Variants in SLC4A2 observed in about 807,000 individuals in gnomAD.
SLC4A2 encodes anion exchange protein 2.
SLC4A2 carries 36 observed loss-of-function variants against 115.0 expected under a neutral mutation model. The observed-to-expected ratio is 0.31, with a 90% CI of 0.24 to 0.41. SLC4A2 has a LOEUF of 0.41. Ranked by LOEUF, SLC4A2 falls within the 10% of genes least tolerant of loss-of-function variation. SLC4A2 has a pLI of 1.00. For missense variants in SLC4A2, 1,252 were observed against 1,705.6 expected (o/e 0.73, Z 4.68); for synonymous variants, 708 against 708.3 (o/e 1.00, Z 0.01).
chr7:151,072,995 T>C (rs1029625772), intron 16 of SLC4A2, among the ~76,000 whole-genome samples: 2 of 152,166 alleles, frequency 1.3e-5, no homozygotes, highest in Non-Finnish European at 2.9e-5. Context: ...TAAAAACTTC[T>C]ATATTTAATG....
chr7:151,067,004 C>G lies in SLC4A2; in HGVS notation c.966+11C>G, dbSNP rs1414504291. ...CACAAGCCCCATGAGGTACCATGCTCTGCTTCATGCTCTTCCATCAACTTC... is the reference window on the plus strand; with the variant it reads ...CACAAGCCCCATGAGGTACCATGCTGTGCTTCATGCTCTTCCATCAACTTC... On this transcript the variant is annotated intron_variant, in intron 7 of 22. Transcript: ENST00000413384. 6.4e-7 allele frequency: 1 copy of G among 1,570,016 alleles called. No homozygotes were observed. Among genetic ancestry groups the G allele is most frequent in the Non-Finnish European group, 8.6e-7 (1 of 1,159,624 alleles).
At position 151,064,243 on chromosome 7, in the gene SLC4A2, C is replaced by T. The variant is rs200541395; in HGVS notation, c.93C>T (p.Pro31=). Reference sequence around the variant, plus strand: ...TGGGCCCTGGGACGCCTGGGTTCCCCGAGCAGGAGGAAGACGAACTTCACC... The same window carrying T: ...TGGGCCCTGGGACGCCTGGGTTCCCTGAGCAGGAGGAAGACGAACTTCACC... ...ESLGPGTPGF[P]EQEEDELHRT... Residue 31 remains proline, a synonymous_variant, in exon 3 of 23, where the codon CCC becomes CCT. Transcript: ENST00000413384. 27 of 1,612,482 alleles carry T rather than the reference C, an allele frequency of 1.7e-5. No individual in the cohort carries two copies. In the East Asian group the frequency reaches 2.2e-4, roughly 13 times the overall value.
intron 16 of SLC4A2, 55 bp downstream of exon 16, chr7:151,072,191 A>AG: frequency 6.6e-7 from 1 of 1,512,524 alleles, no homozygotes; most frequent in Admixed American, 1.7e-5. Flanking sequence ...TCAGGGCTGG[A>AG]GGGAGTCTCT....
At position 151,076,489 on chromosome 7, in the gene SLC4A2, C is replaced by A; in HGVS notation, c.*122C>A. The A allele has an allele frequency of 1.2e-6, 1 of 840,568 alleles. No individual in the cohort carries two copies. The highest frequency in any genetic ancestry group is 2.1e-5 in the South Asian group (1 of 47,826). 52.1% of individuals were successfully genotyped at this position (840,568 alleles called of 1,614,324 possible). On this transcript the variant is annotated 3_prime_UTR_variant, in exon 23 of 23. Coordinates refer to ENST00000413384, the MANE Select transcript of SLC4A2 (RefSeq NM_003040.4). ...TGAATAATTTAAAGTCTTCTCCTCC[C>A]CCACTGCCCCTGCAGTAAAGTGCTT...
chr7:151,075,496 G>T lies in SLC4A2; in HGVS notation c.3289G>T (p.Ala1097Ser), dbSNP rs1797594099. The change falls in exon 20 of 23, where the codon GCC becomes TCC. Residue 1097 changes from alanine to serine, a missense_variant. Ala to Ser is a moderately conservative substitution (Grantham distance 99, BLOSUM62 1). Coordinates refer to ENST00000413384, the MANE Select transcript of SLC4A2 (RefSeq NM_003040.4). ...GCAGCGGGTGACGGGGCTGCTGGTT[G>T]CCCTGCTTGTGGGTACGTTGCCTCT... ...KEQRVTGLLV[A>S]LLVGLSIVIG... 1 of 1,599,616 alleles carries T rather than the reference G, an allele frequency of 6.3e-7. No homozygotes were observed. The highest frequency in any genetic ancestry group is 1.7e-5 in the Admixed American group (1 of 59,988).
intron 2 of SLC4A2, chr7:151,062,939 T>C (rs1259644708): frequency 2.1e-6 from 3 of 1,403,752 alleles, no homozygotes; most frequent in Non-Finnish European, 2.8e-6. Context: ...TCTTCCTTGT[T>C]CTGGCTGCTG....
At chr7:151,073,195 T>C (rs1249201667) in intron 16 of SLC4A2, among the ~76,000 whole-genome samples, 1 of 152,216 alleles carries the variant, frequency 6.6e-6, no homozygotes, top group Non-Finnish European at 1.5e-5. Context: ...GCAATCCTCC[T>C]GCCTTGACCT....
chr7:151,064,085 A>C, intron 2 of SLC4A2, 117 bp from the exon 3 acceptor site: 1 of 994,834 alleles, frequency 1.0e-6, no homozygotes, highest in Non-Finnish European at 1.5e-6. Flanking sequence ...CCAGCATTAG[A>C]GGAGATAGCT....
chr7:151,073,662 A>T (rs921498152), intron 16 of SLC4A2, among the ~76,000 whole-genome samples: 3 of 152,300 alleles, frequency 2.0e-5, no homozygotes, highest in Admixed American at 2.0e-4. Context: ...TTAAAATGTC[A>T]AACAATCCAG....
chr7:151,075,957 C>G, intron 21 of SLC4A2, 56 bp from the exon 22 acceptor site: 1 of 1,519,860 alleles, frequency 6.6e-7, no homozygotes, highest in South Asian at 1.3e-5. Context: ...AAGAGAGAGG[C>G]TCTTCCCAGC....
chr7:151,075,533 T>C (rs1585001457), intron 20 of SLC4A2, 25 bp downstream of exon 20: 1 of 1,594,010 alleles, frequency 6.3e-7, no homozygotes, highest in African/African-American at 1.3e-5. Flanking sequence ...GCCTTTCCCT[T>C]CCCAGTGGAT....
chr7:151,061,722 G>T, intron 1 of SLC4A2: 2 of 460,756 alleles, frequency 4.3e-6, no homozygotes, highest in Non-Finnish European at 7.8e-6. Context: ...GGCCCTTTTC[G>T]GCCCCCCTCG....
Position 151,066,507 on chromosome 7 carries a change from G to C in SLC4A2, c.579-10G>C, listed in dbSNP as rs1797238043. The C allele has an allele frequency of 3.3e-6, 5 of 1,494,630 alleles. No individual in the cohort carries two copies. The South Asian group carries it at 6.6e-5, about 20-fold the overall frequency. 92.6% of individuals were successfully genotyped at this position (1,494,630 alleles called of 1,614,324 possible). The stretch of plus-strand genomic sequence containing the variant: ...GGTTTCTCGGGCTCACGGCCATTCT[G>C]TCTGCCTAGAACCCAGGTGGAGGAG... On this transcript the variant is annotated splice_polypyrimidine_tract_variant and intron_variant, in intron 5 of 22. Transcript: ENST00000413384.
At chr7:151,064,819 A>T in intron 4 of SLC4A2, 29 bp from the exon 5 acceptor site, 1 of 1,613,304 alleles carries the variant, frequency 6.2e-7, no homozygotes, top group African/African-American at 1.3e-5. Flanking sequence ...TGGCCTGGTC[A>T]CTCCTGCCCA....
intron 1 of SLC4A2, 77 bp from the exon 2 acceptor site, chr7:151,061,848 C>G (rs1797057341): frequency 1.4e-6 from 1 of 715,266 alleles, no homozygotes; most frequent in African/African-American, 1.8e-5. Flanking sequence ...AGGAGGATCC[C>G]CAGCAGCGCA....
Position 151,066,629 on chromosome 7 carries a change from C to T in SLC4A2, c.691C>T (p.Arg231Cys). The T allele has an allele frequency of 8.4e-6, 13 of 1,549,966 alleles. No individual in the cohort carries two copies. Among genetic ancestry groups the T allele is most frequent in the East Asian group, 2.4e-5 (1 of 40,918 alleles). ...CCTGCCCAAAGCCCAGCCTGGGCAC[C>T]GCAGCTACAACCTTCAGGAGAGGAG... ...RPLPKAQPGH[R>C]SYNLQERRRI... The change falls in exon 6 of 23, where the codon CGC becomes TGC. Residue 231 changes from arginine to cysteine, a missense_variant. Arg to Cys is a radical substitution (Grantham distance 180). Coordinates refer to ENST00000413384, the MANE Select transcript of SLC4A2 (RefSeq NM_003040.4).
chr7:151,062,953 C>T, intron 2 of SLC4A2: 1 of 1,404,112 alleles, frequency 7.1e-7, no homozygotes, highest in Non-Finnish European at 9.2e-7. Context: ...GCTGCTGGCA[C>T]CGCTATGGAG....
In SLC4A2 at chr7:151,075,524, C is replaced by A; in HGVS notation, c.3301+16C>A. ...CTGCTTGTGGGTACGTTGCCTCTTG[C>A]CTTTCCCTTCCCAGTGGATTCCCCA... On this transcript the variant is annotated intron_variant, in intron 20 of 22. Transcript: ENST00000413384. 6.3e-7 allele frequency: 1 copy of A among 1,595,258 alleles called. No individual in the cohort carries two copies. The highest frequency in any genetic ancestry group is 8.5e-7 in the Non-Finnish European group (1 of 1,176,250).
Position 151,071,621 on chromosome 7 carries a change from A to G in SLC4A2, c.2191+16A>G, listed in dbSNP as rs746483276. On this transcript the variant is annotated intron_variant, in intron 14 of 22. Coordinates refer to ENST00000413384, the MANE Select transcript of SLC4A2 (RefSeq NM_003040.4). This position sits in a 1 kb window ranked among gnomAD's most constrained non-coding sequence, Gnocchi z 5.5. ...GGGCTGCTGGGTGAGGAGAGCCTTC[A>G]GGTAGGGGGCGGCGGGGACTGCCCA... 1 of 1,613,576 alleles carries G rather than the reference A, an allele frequency of 6.2e-7. No homozygotes were observed. The highest frequency in any genetic ancestry group is 8.5e-7 in the Non-Finnish European group (1 of 1,179,874).
Sources: allele counts gnomAD v4.1 joint callset (sites outside exome capture counted in the v4.1 genomes callset), GRCh38; gene constraint gnomAD v4.1.1; non-coding constraint Gnocchi (gnomAD v3.1); transcripts MANE v1.5; gene names NCBI Gene and HGNC (gene_info 2026-07-23, HGNC 2026-07-21).